Variants in TTLL11 observed in about 807,000 individuals in gnomAD.
TTLL11 encodes the protein tubulin polyglutamylase TTLL11.
TTLL11 carries 42 observed loss-of-function variants against 51.7 expected under a neutral mutation model. That is an observed-to-expected ratio of 0.81 (90% CI 0.64 to 1.05). TTLL11 has a LOEUF of 1.05. Among genes scored for constraint, TTLL11 ranks in the 50% least tolerant of loss-of-function variants. TTLL11 has a pLI of 0.00. For synonymous variants in TTLL11, 381 were observed against 383.5 expected (o/e 0.99, Z 0.08); for missense variants, 799 against 940.4 (o/e 0.85, Z 1.97).
chr9:121,894,818 A>G (rs1839389947), intron 6 of TTLL11, among the ~76,000 whole-genome samples: 1 of 152,350 alleles, frequency 6.6e-6, no homozygotes, highest in South Asian at 2.1e-4. Context: ...TGATGGGTGC[A>G]GCAAACCACC....
chr9:122,061,896 A>G (rs1845444098), intron 1 of TTLL11, among the ~76,000 whole-genome samples: 1 of 152,178 alleles, frequency 6.6e-6, no homozygotes, highest in South Asian at 2.1e-4. Flanking sequence ...TCGGCCTCCC[A>G]AAGTGCTGGG....
intron 6 of TTLL11, among the ~76,000 whole-genome samples, chr9:121,929,817 C>T (rs1400607627): frequency 6.6e-6 from 1 of 152,242 alleles, no homozygotes; most frequent in Admixed American, 6.5e-5. Context: ...GGCCACTTTG[C>T]TCCTTTGGGT....
intron 1 of TTLL11, among the ~76,000 whole-genome samples, chr9:122,069,090 G>T (rs182352308): frequency 1.3e-5 from 2 of 151,436 alleles, no homozygotes; most frequent in African/African-American, 4.8e-5. Context: ...CGTTACAACC[G>T]TTTATCCTAC....
At position 121,920,308 on chromosome 9, in the gene TTLL11, A is replaced by T. The variant is rs553443437; in HGVS notation, c.1482-49560T>A. On this transcript the variant is annotated intron_variant, in intron 6 of 8. Transcript: ENST00000321582. ...CAAGGTGAGACTCTGTTTAAAAAAA[A>T]TTTTTTTTTATAAATTCAATGTTTC... 1.2e-3 allele frequency among the ~76,000 whole-genome samples: 182 copies of T among 151,944 alleles called. 1 individual carries two copies. The highest frequency in any genetic ancestry group is 2.6e-3 in the Admixed American group (39 of 15,240).
At chr9:122,055,572 C>T (rs1845271983) in intron 1 of TTLL11, among the ~76,000 whole-genome samples, 1 of 152,130 alleles carries the variant, frequency 6.6e-6, no homozygotes, top group South Asian at 2.1e-4. Context: ...ACAGACACAC[C>T]CAGAATCAAT....
At chr9:121,937,196 G>A (rs1841266118) in intron 6 of TTLL11, among the ~76,000 whole-genome samples, 1 of 152,092 alleles carries the variant, frequency 6.6e-6, no homozygotes, top group African/African-American at 2.4e-5. Context: ...GCAATTGTGA[G>A]GATTAAGTGG....
In TTLL11 at chr9:121,816,913, C is replaced by A. The variant is rs550863133; in HGVS notation, c.*5674G>T. On this transcript the variant is annotated 3_prime_UTR_variant, in exon 9 of 9. Coordinates refer to ENST00000321582, the MANE Select transcript of TTLL11 (RefSeq NM_001139442.2). ...ATGCCATAGGGGAAAATTTCTCTCA[C>A]ATTCATCAAACCAAATGGGAGATTG... 21 of 152,282 alleles carry A rather than the reference C, an allele frequency of 1.4e-4. No individual in the cohort carries two copies. The highest frequency in any genetic ancestry group is 6.8e-3 in the Middle Eastern group (2 of 294). The allele number at this position is 152,282 out of a possible 1,614,324, so 9.4% of individuals were successfully genotyped here.
At position 121,974,987 on chromosome 9, in the gene TTLL11, G is replaced by C; in HGVS notation, c.1270-8C>G. On this transcript the variant is annotated splice_region_variant and splice_polypyrimidine_tract_variant and intron_variant, in intron 4 of 8. Coordinates refer to ENST00000321582, the MANE Select transcript of TTLL11 (RefSeq NM_001139442.2). ...AATGTCAAAGCCTAAAATCTGGGCAGGATAAACACAATTCAGAATTACTGT... is the reference window on the plus strand; with the variant it reads ...AATGTCAAAGCCTAAAATCTGGGCACGATAAACACAATTCAGAATTACTGT... 1 of 1,521,628 alleles carries C rather than the reference G, an allele frequency of 6.6e-7. No homozygotes were observed. The highest frequency in any genetic ancestry group is 8.8e-7 in the Non-Finnish European group (1 of 1,134,414). The allele number at this position is 1,521,628 out of a possible 1,614,324, so 94.3% of individuals were successfully genotyped here. A position where few individuals can be genotyped will look rare whatever the true frequency, so the allele number is the denominator to read the frequency against.
At chr9:121,887,193 T>C (rs1839042630) in intron 6 of TTLL11, among the ~76,000 whole-genome samples, 1 of 152,204 alleles carries the variant, frequency 6.6e-6, no homozygotes, top group African/African-American at 2.4e-5. Flanking sequence ...ATGTGACCAA[T>C]TTCTTAAGTG....
At chr9:122,080,959 T>C (rs944555437) in intron 1 of TTLL11, among the ~76,000 whole-genome samples, 1 of 152,138 alleles carries the variant, frequency 6.6e-6, no homozygotes, top group Non-Finnish European at 1.5e-5. Context: ...CAAAAAAATA[T>C]ATATGCCCAG....
intron 1 of TTLL11, among the ~76,000 whole-genome samples, chr9:122,092,125 G>A (rs1846273264): frequency 1.3e-5 from 2 of 150,144 alleles, no homozygotes; most frequent in Non-Finnish European, 2.9e-5. Context: ...GTCTTCTAAT[G>A]CTAACAAGAT....
At chr9:121,934,194 T>C (rs900168851) in intron 6 of TTLL11, among the ~76,000 whole-genome samples, 3 of 151,752 alleles carry the variant, frequency 2.0e-5, no homozygotes, top group Admixed American at 6.6e-5. Flanking sequence ...GATTGCACCA[T>C]TGAACCCCAG....
chr9:121,854,528 A>C (rs1297114210), intron 8 of TTLL11, among the ~76,000 whole-genome samples: 1 of 152,200 alleles, frequency 6.6e-6, no homozygotes, highest in Non-Finnish European at 1.5e-5. Context: ...CAAAGTTCAG[A>C]AGCCCCCAGA....
chr9:122,044,800 C>T (rs568036420), intron 1 of TTLL11, among the ~76,000 whole-genome samples: 1 of 152,130 alleles, frequency 6.6e-6, no homozygotes, highest in Admixed American at 6.5e-5. Context: ...CTGCTTCATA[C>T]CCATTAGGAT....
Position 122,031,820 on chromosome 9 carries a change from C to T in TTLL11, c.596G>A (p.Arg199Lys), listed in dbSNP as rs116884413. 4.2e-3 allele frequency: 6,740 copies of T among 1,614,112 alleles called. 22 individuals carry two copies. Among genetic ancestry groups the T allele is most frequent in the Non-Finnish European group, 4.6e-3 (5,401 of 1,179,990 alleles). The change falls in exon 3 of 9, where the codon AGA becomes AAA. Residue 199 changes from arginine to lysine, a missense_variant. By Grantham distance (26) the Arg-to-Lys change is conservative (BLOSUM62 2). Around this residue, in one of 3 missense-constraint regions of TTLL11, gnomAD observed 468 missense variants for 612.8 expected, o/e 0.76. Transcript: ENST00000321582. ...GAGATTCTGCATGGTTCTCACTGCTCTGCTCAGAGTAATTTTACGCACCAT... is the reference window on the plus strand; with the variant it reads ...GAGATTCTGCATGGTTCTCACTGCTTTGCTCAGAGTAATTTTACGCACCAT... ...TEMVRKITLS[R>K]AVRTMQNLFP...
chr9:121,957,213 G>A (rs1842047735), intron 6 of TTLL11, among the ~76,000 whole-genome samples: 1 of 152,154 alleles, frequency 6.6e-6, no homozygotes, highest in Non-Finnish European at 1.5e-5. Context: ...GTCTGAATCA[G>A]GGGGCGCCTT....
intron 3 of TTLL11, among the ~76,000 whole-genome samples, chr9:122,016,051 A>G (rs1263987681): frequency 6.6e-6 from 1 of 152,098 alleles, no homozygotes; most frequent in Non-Finnish European, 1.5e-5. Flanking sequence ...GAAAAACAAC[A>G]AGGTGTTGTT....
intron 6 of TTLL11, among the ~76,000 whole-genome samples, chr9:121,908,349 CTCTT>C (rs199867363): frequency 0.015 from 2,235 of 152,300 alleles, 53 homozygotes; most frequent in African/African-American, 0.051. Flanking sequence ...CTTTTGTTCT[CTCTT>C]CTTCTAAAGC....
chr9:122,078,019 A>G (rs759730445), intron 1 of TTLL11, among the ~76,000 whole-genome samples: 2 of 152,214 alleles, frequency 1.3e-5, no homozygotes, highest in Non-Finnish European at 2.9e-5. Flanking sequence ...ATGAAAATGT[A>G]AAATACATAG....
Sources: gnomAD v4.1 joint callset for allele counts (sites outside exome capture counted in the v4.1 genomes callset) on GRCh38, gnomAD v4.1.1 for gene constraint, gnomAD v4.1.1 regional missense constraint, MANE v1.5 for transcripts, NCBI Gene and HGNC (gene_info 2026-07-23, HGNC 2026-07-21) for gene names.